The following GFRA1 variants were observed in gnomAD, a reference collection of about 807,000 sequenced individuals.
GFRA1 encodes GDNF family receptor alpha 1.
Under a neutral mutation model 51.6 loss-of-function variants are expected in GFRA1, and 16 were observed. The observed-to-expected ratio is 0.31, with a 90% CI of 0.21 to 0.47. GFRA1 has a LOEUF of 0.47. Among genes scored for constraint, GFRA1 ranks in the 20% least tolerant of loss-of-function variants. The pLI is 1.00. For synonymous variants in GFRA1, 270 were observed against 241.3 expected (o/e 1.12, Z -1.10); for missense variants, 530 against 594.3 (o/e 0.89, Z 1.13).
upstream of GFRA1, chr10:116,273,571 C>T (rs1844105145): frequency 6.6e-6 from 1 of 152,590 alleles, no homozygotes; most frequent in South Asian, 2.1e-4. Context: ...GCGGTGGGAC[C>T]CGCGGCCGGA....
At chr10:116,222,203 A>G (rs4751958) in intron 4 of GFRA1, among the ~76,000 whole-genome samples, 56,340 of 151,770 alleles carry the variant, frequency 0.37, 12,278 homozygotes, top group East Asian at 0.56. Context: ...TTATTTATTT[A>G]TTTATTTATT....
intron 5 of GFRA1, among the ~76,000 whole-genome samples, chr10:116,194,965 G>A (rs1016358055): frequency 6.6e-6 from 1 of 152,160 alleles, no homozygotes; most frequent in Non-Finnish European, 1.5e-5. Context: ...AGCGTTTATC[G>A]TGCAGGCCAT....
chr10:116,104,896 C>T (rs1163221068), intron 6 of GFRA1, among the ~76,000 whole-genome samples: 4 of 152,294 alleles, frequency 2.6e-5, no homozygotes, highest in East Asian at 3.9e-4. Flanking sequence ...TGCCCTTTTG[C>T]CAGGAATCCA....
intron 4 of GFRA1, among the ~76,000 whole-genome samples, chr10:116,247,302 A>G (rs116730561): frequency 0.014 from 2,076 of 152,274 alleles, 21 homozygotes; most frequent in African/African-American, 0.016. Context: ...ACCCAAGTGT[A>G]AGCCCCTATC....
chr10:116,202,035 T>A (rs937964157), intron 5 of GFRA1, among the ~76,000 whole-genome samples: 1 of 152,164 alleles, frequency 6.6e-6, no homozygotes, highest in Admixed American at 6.5e-5. Context: ...AAAACACCGA[T>A]TCCTCCGAGC....
intron 4 of GFRA1, among the ~76,000 whole-genome samples, chr10:116,237,685 TGTCAAAGCA>T: frequency 6.6e-6 from 1 of 152,202 alleles, no homozygotes; most frequent in East Asian, 1.9e-4. Context: ...CCATGGTGCC[TGTCAAAGCA>T]GTAGAACAAA....
chr10:116,221,217 A>C (rs1246155957), intron 4 of GFRA1, among the ~76,000 whole-genome samples: 1 of 152,170 alleles, frequency 6.6e-6, no homozygotes, highest in Admixed American at 6.5e-5. Context: ...AGGCCCACAA[A>C]GGTTAACTAA....
At chr10:116,201,809 G>T (rs962356247) in intron 5 of GFRA1, among the ~76,000 whole-genome samples, 1 of 152,048 alleles carries the variant, frequency 6.6e-6, no homozygotes, top group Non-Finnish European at 1.5e-5. Flanking sequence ...TCCAAACACT[G>T]TCCCCACCCC....
chr10:116,273,883 G>A (rs1005481470), upstream of GFRA1, among the ~76,000 whole-genome samples: 19 of 152,014 alleles, frequency 1.2e-4, no homozygotes, highest in African/African-American at 4.3e-4. Flanking sequence ...CCTGGGATGC[G>A]CCCATCCGTT....
chr10:116,247,798 C>A (rs372605589), intron 4 of GFRA1, among the ~76,000 whole-genome samples: 1 of 152,176 alleles, frequency 6.6e-6, no homozygotes, highest in East Asian at 1.9e-4. Context: ...ATTCATGTAT[C>A]ATCTGCCCTC....
At chr10:116,193,680 G>A (rs1030300800) in intron 5 of GFRA1, among the ~76,000 whole-genome samples, 2 of 152,134 alleles carry the variant, frequency 1.3e-5, no homozygotes, top group Non-Finnish European at 2.9e-5. Flanking sequence ...CTTGCATTTA[G>A]ACCTGCTTCC....
intron 4 of GFRA1, among the ~76,000 whole-genome samples, chr10:116,263,062 A>C (rs368905491): frequency 2.9e-4 from 44 of 152,322 alleles, no homozygotes; most frequent in African/African-American, 1.0e-3. Context: ...CCTTCCCCAC[A>C]GGGTAGCTAA....
At chr10:116,244,911 A>G (rs1967742306) in intron 4 of GFRA1, among the ~76,000 whole-genome samples, 1 of 152,210 alleles carries the variant, frequency 6.6e-6, no homozygotes, top group Non-Finnish European at 1.5e-5. Flanking sequence ...ACACCTAAAT[A>G]CCAGTGAAAT....
At chr10:116,146,044 AATAT>A (rs1589823302) in intron 5 of GFRA1, among the ~76,000 whole-genome samples, 1 of 152,040 alleles carries the variant, frequency 6.6e-6, no homozygotes, top group Non-Finnish European at 1.5e-5. Context: ...GTGTATAAAT[AATAT>A]ATAGTCACTA....
intron 6 of GFRA1, among the ~76,000 whole-genome samples, chr10:116,118,673 C>T (rs1313938514): frequency 6.6e-6 from 1 of 152,202 alleles, no homozygotes; most frequent in Non-Finnish European, 1.5e-5. Context: ...CGCATTCACA[C>T]TCGAAGACGA....
chr10:116,110,374 G>A (rs1957160299), intron 6 of GFRA1, among the ~76,000 whole-genome samples: 1 of 152,134 alleles, frequency 6.6e-6, no homozygotes, highest in African/African-American at 2.4e-5. Context: ...GATGCAGAGA[G>A]AAGAAACACG....
intron 5 of GFRA1, among the ~76,000 whole-genome samples, chr10:116,149,157 A>G (rs1958958267): frequency 6.6e-6 from 1 of 152,206 alleles, no homozygotes; most frequent in South Asian, 2.1e-4. Flanking sequence ...ATAGCCAATT[A>G]TTGAGGATCT....
In GFRA1 at chr10:116,268,011, G is replaced by T. The variant is rs1969809777; in HGVS notation, c.418+1492C>A. Among the ~76,000 whole-genome samples the T allele has an allele frequency of 2.0e-5, 3 of 151,952 alleles. 1 individual carries two copies. The highest frequency in any genetic ancestry group is 6.6e-5 in the Admixed American group (1 of 15,266). On this transcript the variant is annotated intron_variant, in intron 4 of 10. Coordinates refer to ENST00000355422, the MANE Select transcript of GFRA1 (RefSeq NM_005264.8). ...GAAGGAAAAGACAGAATAATGTAGA[G>T]AAATGCTTCTCAAGCTTCATGTACA... is the stretch of plus-strand genomic sequence containing the variant.
At chr10:116,088,995 C>T (rs1228834124) in intron 9 of GFRA1, among the ~76,000 whole-genome samples, 2 of 147,936 alleles carry the variant, frequency 1.4e-5, no homozygotes, top group African/African-American at 2.5e-5. Context: ...GATGTCCTGC[C>T]AAATAGCTGA....
Sources: gnomAD v4.1 joint callset for allele counts (sites outside exome capture counted in the v4.1 genomes callset) on GRCh38, gnomAD v4.1.1 for gene constraint, MANE v1.5 for transcripts, NCBI Gene and HGNC (gene_info 2026-07-23, HGNC 2026-07-21) for gene names.